NF1: variants seen among roughly 807,000 people sequenced by gnomAD.
NF1 encodes neurofibromin.
In NF1, 122 loss-of-function variants were observed where a neutral mutation model predicts 325.7. That is an observed-to-expected ratio of 0.37 (90% CI 0.32 to 0.44). The LOEUF (loss-of-function observed/expected upper bound fraction) is 0.44. NF1 is among the 20% of genes least tolerant of loss of function. The probability of loss-of-function intolerance (pLI) is 1.00; values close to 1 mark genes in which losing one functional copy is unlikely to be tolerated. For missense variants in NF1, 2,140 were observed against 3,415.4 expected (o/e 0.63, Z 9.31); for synonymous variants, 1,091 against 1,186.0 (o/e 0.92, Z 1.65).
At chr17:31,315,974 C>T (rs1410112696) in intron 36 of NF1, among the ~76,000 whole-genome samples, 1 of 152,084 alleles carries the variant, frequency 6.6e-6, no homozygotes, top group Non-Finnish European at 1.5e-5. Context: ...GTTGCGCAGG[C>T]TGGTCTTGAA....
At chr17:31,222,882 G>C (rs2066950917) in intron 15 of NF1, 1 of 158,334 alleles carries the variant, frequency 6.3e-6, no homozygotes, top group South Asian at 1.9e-4. Flanking sequence ...TCTGGAGTAG[G>C]GATCAGGAAA....
intron 1 of NF1, among the ~76,000 whole-genome samples, chr17:31,106,424 C>G (rs530377590): frequency 1.3e-5 from 2 of 152,240 alleles, no homozygotes; most frequent in African/African-American, 2.4e-5. Context: ...AAAAAAGTTA[C>G]AGAGGCAAAA....
rs1896615949 is a variant in NF1 at position 31,110,333 on chromosome 17, G to A, written c.60+14964G>A. On this transcript the variant is annotated intron_variant, in intron 1 of 57. Coordinates refer to ENST00000358273, the MANE Select transcript of NF1 (RefSeq NM_001042492.3). ...AGAAATAGAAGAGATCTTTATAGGT[G>A]AGCAGAGGATTGCTGACATTTGCTG... is the stretch of plus-strand genomic sequence containing the variant. Among the ~76,000 whole-genome samples the A allele has an allele frequency of 2.6e-5, 4 of 152,266 alleles. No homozygotes were observed. The South Asian group carries it at 6.2e-4, about 24-fold the overall frequency.
At chr17:31,315,313 C>T (rs867669479) in intron 36 of NF1, among the ~76,000 whole-genome samples, 39 of 152,064 alleles carry the variant, frequency 2.6e-4, no homozygotes, top group Middle Eastern at 3.4e-3. Context: ...GTACAAAAAA[C>T]AATAGAAAGA....
intron 11 of NF1, 136 bp downstream of exon 11, chr17:31,201,621 C>T: frequency 1.5e-6 from 1 of 684,594 alleles, no homozygotes; most frequent in Non-Finnish European, 2.6e-6. Flanking sequence ...AAAATTTCTC[C>T]ATGGTGATTC....
chr17:31,321,293 A>G lies in NF1; in HGVS notation c.4836-4527A>G, dbSNP rs182813269. Among the ~76,000 whole-genome samples the G allele has an allele frequency of 5.3e-4, 81 of 152,332 alleles. 1 individual carries two copies. In the East Asian group the frequency reaches 0.013, roughly 25 times the overall value. On this transcript the variant is annotated intron_variant, in intron 36 of 57. Coordinates refer to ENST00000358273, the MANE Select transcript of NF1 (RefSeq NM_001042492.3). Reference sequence around the variant, plus strand: ...CTTAGATCCTTCGTAATCCTAATTTAAAACTCCATGGCGATGGCAAATTTT... The same window carrying G: ...CTTAGATCCTTCGTAATCCTAATTTGAAACTCCATGGCGATGGCAAATTTT...
intron 12 of NF1, among the ~76,000 whole-genome samples, chr17:31,208,033 G>A (rs971860713): frequency 3.3e-5 from 5 of 152,026 alleles, no homozygotes; most frequent in Non-Finnish European, 7.4e-5. Flanking sequence ...AATTTGATTG[G>A]TAGTCTAAAT....
chr17:31,228,245 A>G (rs1238397545), intron 20 of NF1, among the ~76,000 whole-genome samples: 1 of 152,178 alleles, frequency 6.6e-6, no homozygotes, highest in African/African-American at 2.4e-5. Flanking sequence ...GTTTGTGTGT[A>G]TTTGATTTGT....
In NF1 at chr17:31,182,653, C is replaced by T. The variant is rs786202811; in HGVS notation, c.876C>T (p.Asn292=). The T allele has an allele frequency of 1.5e-5, 24 of 1,613,266 alleles. No homozygotes were observed. Among genetic ancestry groups the T allele is most frequent in the Non-Finnish European group, 1.8e-5 (21 of 1,179,730 alleles). ...TATCCAAAGACGTGGTTGATGAAAA[C>T]AACATGAATAAGGTAAGGAGGGCAA... The part of the protein sequence containing the change: ...QDISKDVVDE[N]NMNKKLFLDS... Residue 292 remains asparagine, a synonymous_variant, in exon 8 of 58, where the codon AAC becomes AAT. Transcript: ENST00000358273.
chr17:31,319,261 T>C (rs1236036999), intron 36 of NF1, among the ~76,000 whole-genome samples: 1 of 152,166 alleles, frequency 6.6e-6, no homozygotes, highest in Non-Finnish European at 1.5e-5. Flanking sequence ...CAAATAAATA[T>C]TAATCATTTT....
chr17:31,177,435 GA>G (rs34018819), intron 5 of NF1, among the ~76,000 whole-genome samples: 106,163 of 151,080 alleles, frequency 0.7, 37,478 homozygotes, highest in Middle Eastern at 0.84. Context: ...CAAAAAGGCT[GA>G]AAAAAAAACG....
chr17:31,095,655 C>A (rs1911619896), intron 1 of NF1, among the ~76,000 whole-genome samples: 1 of 152,156 alleles, frequency 6.6e-6, no homozygotes, highest in Admixed American at 6.5e-5. Context: ...CCCAGCCCTT[C>A]CGCTTGGAAA....
At position 31,144,944 on chromosome 17, in the gene NF1, C is replaced by T. The variant is rs76155095; in HGVS notation, c.61-11039C>T. On this transcript the variant is annotated intron_variant, in intron 1 of 57. Coordinates refer to ENST00000358273, the MANE Select transcript of NF1 (RefSeq NM_001042492.3). ...TACTTGACAGTTGGAAAATATAATC[C>T]GTGACATCGTCAAATTCAAAATAAA... Among the ~76,000 whole-genome samples, 20 of 152,224 alleles carry T rather than the reference C, an allele frequency of 1.3e-4. No homozygotes were observed. In the East Asian group the frequency reaches 3.5e-3, roughly 26 times the overall value.
intron 54 of NF1, 74 bp from the exon 55 acceptor site, chr17:31,358,401 GTATAT>G (rs2070322158): frequency 7.2e-7 from 1 of 1,382,658 alleles, no homozygotes; most frequent in Non-Finnish European, 1.0e-6. Flanking sequence ...TCTGGGGAAT[GTATAT>G]TATGTTTTCC....
intron 5 of NF1, among the ~76,000 whole-genome samples, chr17:31,176,164 C>T (rs2066019784): frequency 6.6e-6 from 1 of 152,224 alleles, no homozygotes; most frequent in Non-Finnish European, 1.5e-5. Flanking sequence ...TCCTATTTCT[C>T]CACATTCTCT....
intron 29 of NF1, among the ~76,000 whole-genome samples, chr17:31,241,146 G>A (rs538291801): frequency 6.6e-6 from 1 of 152,172 alleles, no homozygotes; most frequent in Non-Finnish European, 1.5e-5. Context: ...CCAAAGTGCT[G>A]AGATTACAGG....
At chr17:31,320,368 C>A in intron 36 of NF1, 1 of 1,549,626 alleles carries the variant, frequency 6.5e-7, no homozygotes. Flanking sequence ...AAGGCAGATT[C>A]TTACCTAGCT....
In NF1 at chr17:31,226,744, T is replaced by C. The variant is rs2151426334; in HGVS notation, c.2251+60T>C. The C allele has an allele frequency of 2.5e-6, 4 of 1,606,650 alleles. No individual in the cohort carries two copies. In the Admixed American group the frequency reaches 5.0e-5, roughly 20 times the overall value. On this transcript the variant is annotated intron_variant, in intron 18 of 57. Transcript: ENST00000358273. ...GCCTCAAAGCACATGGCATCTGATTTTGAGAATGTATTTAAGGTCACTACT... is the reference window on the plus strand; with the variant it reads ...GCCTCAAAGCACATGGCATCTGATTCTGAGAATGTATTTAAGGTCACTACT...
chr17:31,292,744 T>G (rs916809001), intron 36 of NF1, among the ~76,000 whole-genome samples: 4 of 152,338 alleles, frequency 2.6e-5, no homozygotes, highest in Admixed American at 2.6e-4. Flanking sequence ...TGCAGACATG[T>G]CTGTAGGATT....
Sources: gnomAD v4.1 joint callset for allele counts (sites outside exome capture counted in the v4.1 genomes callset) on GRCh38, gnomAD v4.1.1 for gene constraint, MANE v1.5 for transcripts, NCBI Gene and HGNC (gene_info 2026-07-23, HGNC 2026-07-21) for gene names.